The following CLUL1 variants were observed in gnomAD, a reference collection of about 807,000 sequenced individuals.
The protein encoded by CLUL1 is clusterin like 1.
Under a neutral mutation model 49.4 loss-of-function variants are expected in CLUL1, and 43 were observed. That is an observed-to-expected ratio of 0.87 (90% CI 0.68 to 1.12). The LOEUF (loss-of-function observed/expected upper bound fraction) is 1.12, where lower values mean the gene tolerates loss of function less well. Among genes scored for constraint, CLUL1 ranks in the 50% most tolerant of loss-of-function variants. The probability of loss-of-function intolerance (pLI) is 0.00; values close to 1 mark genes in which losing one functional copy is unlikely to be tolerated. For synonymous variants in CLUL1, 192 were observed against 184.9 expected (o/e 1.04, Z -0.31); for missense variants, 486 against 544.4 (o/e 0.89, Z 1.07).
At position 617,998 on chromosome 18, in the gene CLUL1, A is replaced by C; in HGVS notation, c.-3A>C. 1 of 1,613,924 alleles carries C rather than the reference A, an allele frequency of 6.2e-7. No homozygotes were observed. The highest frequency in any genetic ancestry group is 2.2e-5 in the East Asian group (1 of 44,892). On this transcript the variant is annotated 5_prime_UTR_variant, in exon 3 of 10. Transcript: ENST00000692774. ...ATTTTTCCTTTGCAGTAACAGCGGG[A>C]ACATGAAGCCGCCACTCTTGGTGTT... is the stretch of plus-strand genomic sequence containing the variant.
chr18:607,218 C>G, intron 2 of CLUL1, 119 bp downstream of exon 2: 1 of 636,994 alleles, frequency 1.6e-6, no homozygotes, highest in Non-Finnish European at 2.9e-6. Flanking sequence ...ACTTCTGCCT[C>G]CCAGATTTAA....
intron 1 of CLUL1, among the ~76,000 whole-genome samples, chr18:601,014 C>T (rs2072813055): frequency 6.6e-6 from 1 of 152,176 alleles, no homozygotes; most frequent in South Asian, 2.1e-4. Flanking sequence ...TCACCCTACC[C>T]AATGGCCTCA....
At chr18:641,214 C>T (rs2074334647) in intron 7 of CLUL1, 113 bp from the exon 8 acceptor site, 1 of 794,788 alleles carries the variant, frequency 1.3e-6, no homozygotes. Context: ...CTAAAAACTA[C>T]CACAGGCAAA....
chr18:648,085 G>A (rs1262295033), intron 9 of CLUL1, among the ~76,000 whole-genome samples: 2 of 152,234 alleles, frequency 1.3e-5, no homozygotes. Context: ...AGGCAAAGGT[G>A]GGAAGAGGTC....
In CLUL1 at chr18:633,391, A is replaced by G. The variant is rs557370896; in HGVS notation, c.950A>G (p.Lys317Arg). ...ELDQNLSRCF[K>R]FHEKCQKCQA... ...GACCAGAATTTGTCAAGATGTTTCA[A>G]ATTTCATGAAAAATGCCAAAAATGT... The change falls in exon 7 of 10, where the codon AAA becomes AGA. Residue 317 changes from lysine (K) to arginine (R), a missense_variant. Lys to Arg is a conservative substitution (Grantham distance 26, BLOSUM62 2). Transcript: ENST00000692774. The G allele has an allele frequency of 9.3e-6, 15 of 1,614,036 alleles. No homozygotes were observed. In the East Asian group the frequency reaches 1.3e-4, roughly 14 times the overall value.
In CLUL1 at chr18:606,602, AGCCTGGCTTTCTCACCCAGG is replaced by A. The variant is rs2072979183; in HGVS notation, c.-135-373_-135-354del. On this transcript the variant is annotated intron_variant, in intron 1 of 9. Transcript: ENST00000692774. The surrounding 1 kb of genome is among the most constrained non-coding windows in gnomAD (Gnocchi z 4.1). Reference sequence around the variant, plus strand: ...ACATCAGTCAGCTTCCCAGTAATCAAGCCTGGCTTTCTCACCCAGGGCTCGCCCCAGAACAACCACCGGCT... The same window carrying A: ...ACATCAGTCAGCTTCCCAGTAATCAAGCTCGCCCCAGAACAACCACCGGCT... Among the ~76,000 whole-genome samples, 1 of 152,292 alleles carries A rather than the reference AGCCTGGCTTTCTCACCCAGG, an allele frequency of 6.6e-6. No individual in the cohort carries two copies. Among genetic ancestry groups the A allele is most frequent in the South Asian group, 2.1e-4 (1 of 4,814 alleles).
chr18:621,189 T>C (rs2073479118), intron 4 of CLUL1, among the ~76,000 whole-genome samples: 1 of 152,174 alleles, frequency 6.6e-6, no homozygotes, highest in African/African-American at 2.4e-5. Context: ...CAGTCAGATT[T>C]TTAATTTAAA....
intron 6 of CLUL1, among the ~76,000 whole-genome samples, chr18:631,140 G>A (rs371621212): frequency 6.6e-6 from 1 of 152,118 alleles, no homozygotes; most frequent in African/African-American, 2.4e-5. Flanking sequence ...AGGAAAAGGA[G>A]AGCGGAAATA....
intron 7 of CLUL1, 127 bp from the exon 8 acceptor site, chr18:641,200 A>C: frequency 1.5e-6 from 1 of 682,996 alleles, no homozygotes; most frequent in South Asian, 1.9e-5. Flanking sequence ...AACAACAGGC[A>C]TAACTAAAAA....
intron 7 of CLUL1, among the ~76,000 whole-genome samples, chr18:639,448 A>G (rs1199396519): frequency 7.1e-6 from 1 of 140,638 alleles, no homozygotes; most frequent in East Asian, 2.1e-4. Flanking sequence ...AAAAAAAAAA[A>G]AAAGCTTCAT....
chr18:620,377 T>C (rs930652874), intron 4 of CLUL1, among the ~76,000 whole-genome samples: 3 of 152,200 alleles, frequency 2.0e-5, no homozygotes, highest in Admixed American at 6.5e-5. Context: ...TTTTTTTTTT[T>C]CAAGAATCTT....
rs2072981273 is a variant in CLUL1 at position 606,666 on chromosome 18, A to ATTTT, written c.-135-312_-135-311insTTTT. ...ACCGGCTTCTTTCAGTGTAGCCAAAAGGCTATTGGAGTCTTCTCAAATGAA... is the reference window on the plus strand; with the variant it reads ...ACCGGCTTCTTTCAGTGTAGCCAAAATTTTGGCTATTGGAGTCTTCTCAAATGAA... On this transcript the variant is annotated intron_variant, in intron 1 of 9. Coordinates refer to ENST00000692774, the MANE Select transcript of CLUL1 (RefSeq NM_001393344.1). This position sits in a 1 kb window ranked among gnomAD's most constrained non-coding sequence, Gnocchi z 4.1. Among the ~76,000 whole-genome samples the ATTTT allele has an allele frequency of 6.6e-6, 1 of 152,214 alleles. No individual in the cohort carries two copies. Among genetic ancestry groups the ATTTT allele is most frequent in the Non-Finnish European group, 1.5e-5 (1 of 68,034 alleles).
intron 7 of CLUL1, among the ~76,000 whole-genome samples, chr18:640,876 T>C (rs1483086180): frequency 6.6e-6 from 1 of 152,184 alleles, no homozygotes; most frequent in East Asian, 1.9e-4. Flanking sequence ...ACACTTTTGG[T>C]CTTAATTTAA....
rs901018706 is a variant in CLUL1 at position 628,057 on chromosome 18, C to A, written c.856+528C>A. On this transcript the variant is annotated intron_variant, in intron 6 of 9. Coordinates refer to ENST00000692774, the MANE Select transcript of CLUL1 (RefSeq NM_001393344.1). The stretch of plus-strand genomic sequence containing the variant: ...GGCCAAGCTGGTCTCAAACTCCCGA[C>A]CTCAGGTGATCCACCCGCCTTGGCC... Among the ~76,000 whole-genome samples, 3 of 152,204 alleles carry A rather than the reference C, an allele frequency of 2.0e-5. No individual in the cohort carries two copies. In the East Asian group the frequency reaches 5.8e-4, roughly 29 times the overall value.
rs912926328 is a variant in CLUL1, at chr18:645,089, T to C, written c.1389T>C (p.Phe463=). 3 of 1,599,798 alleles carry C rather than the reference T, an allele frequency of 1.9e-6. No homozygotes were observed. The highest frequency in any genetic ancestry group is 2.7e-5 in the African/African-American group (2 of 73,998). ...CTCTACAGCATTTTAAGGAACATTTTAAAACCTGGTAAGCAGAGTGCCTGG... is the reference window on the plus strand; with the variant it reads ...CTCTACAGCATTTTAAGGAACATTTCAAAACCTGGTAAGCAGAGTGCCTGG... ...AKALQHFKEH[F]KTW Residue 463 remains phenylalanine, a synonymous_variant, in exon 9 of 10, where the codon TTT becomes TTC. Coordinates refer to ENST00000692774, the MANE Select transcript of CLUL1 (RefSeq NM_001393344.1).
rs1331505173 is a variant in CLUL1, at chr18:618,187, G to A, written c.106+81G>A. The A allele has an allele frequency of 1.9e-5, 20 of 1,035,944 alleles. No individual in the cohort carries two copies. The highest frequency in any genetic ancestry group is 3.0e-5 in the Non-Finnish European group (20 of 669,282). The allele number at this position is 1,035,944 out of a possible 1,614,324, so 64.2% of individuals were successfully genotyped here. On this transcript the variant is annotated intron_variant, in intron 3 of 9. Transcript: ENST00000692774. This position sits in a 1 kb window ranked among gnomAD's most constrained non-coding sequence, Gnocchi z 4.2. The stretch of plus-strand genomic sequence containing the variant: ...GGCGTTTATAGTGAGTCGCAGTTGA[G>A]AGATAACCATATTCGCTGTTTTCAC...
chr18:647,919 C>T lies in CLUL1; in HGVS notation c.1398-1979C>T, dbSNP rs576996839. Among the ~76,000 whole-genome samples, 15 of 152,284 alleles carry T rather than the reference C, an allele frequency of 9.9e-5. No individual in the cohort carries two copies. The East Asian group carries it at 2.5e-3, about 25-fold the overall frequency. On this transcript the variant is annotated intron_variant, in intron 9 of 9. Transcript: ENST00000692774. The stretch of plus-strand genomic sequence containing the variant: ...GACCTACAGTCCATGAGGGTACCAC[C>T]GTTCTAGGGTTTTTGCTCTTCTCTT...
intron 9 of CLUL1, among the ~76,000 whole-genome samples, chr18:648,380 T>C (rs1039340919): frequency 1.1e-4 from 16 of 152,208 alleles, no homozygotes; most frequent in Admixed American, 1.0e-3. Context: ...AATGTTTTTC[T>C]TTTTTATGTA....
intron 9 of CLUL1, among the ~76,000 whole-genome samples, chr18:646,493 GATAGACACAC>G (rs1451549263): frequency 2.7e-3 from 285 of 104,490 alleles, no homozygotes; most frequent in African/African-American, 9.2e-3. Context: ...AAGACAGATA[GATAGACACAC>G]ACACACACAC....
Sources: gnomAD v4.1 joint callset for allele counts (sites outside exome capture counted in the v4.1 genomes callset) on GRCh38, gnomAD v4.1.1 for gene constraint, Gnocchi (gnomAD v3.1) non-coding constraint, MANE v1.5 for transcripts, NCBI Gene and HGNC (gene_info 2026-07-23, HGNC 2026-07-21) for gene names.